CYP2A13: variants seen among roughly 807,000 people sequenced by gnomAD.
CYP2A13 encodes the protein cytochrome P450 family 2 subfamily A member 13, also known as cytochrome P450 2A13.
Under a neutral mutation model 39.4 loss-of-function variants are expected in CYP2A13, and 30 were observed. That is an observed-to-expected ratio of 0.76 (90% CI 0.57 to 1.03). The LOEUF is 1.03. Ranked by LOEUF, CYP2A13 falls within the 50% of genes least tolerant of loss-of-function variation. CYP2A13 has a pLI of 0.00. For missense variants in CYP2A13, 731 were observed against 648.4 expected, an observed-to-expected ratio of 1.13 and a Z score of -1.38; for synonymous variants, 269 against 254.7, an observed-to-expected ratio of 1.06 and a Z score of -0.54.
chr19:41,090,461 C>A lies in CYP2A13; in HGVS notation c.551C>A (p.Ser184Tyr). 2 of 1,614,166 alleles carry A rather than the reference C, an allele frequency of 1.2e-6. No individual in the cohort carries two copies. Among genetic ancestry groups the A allele is most frequent in the Non-Finnish European group, 1.7e-6 (2 of 1,180,026 alleles). ...LSRTVSNVIS[S>Y]IVFGDRFDYE... is the part of the protein sequence containing the mutation. ...CGCACAGTCTCCAATGTCATCAGCT[C>A]CATTGTCTTTGGGGACCGCTTTGAC... The change falls in exon 4 of 9, where the codon TCC (serine) becomes TAC (tyrosine). Residue 184 changes from serine to tyrosine, a missense_variant. Coordinates refer to ENST00000330436, the MANE Select transcript of CYP2A13 (RefSeq NM_000766.5).
intron 1 of CYP2A13, 79 bp from the exon 2 acceptor site, chr19:41,088,850 C>G (rs1462611305): frequency 1.3e-6 from 2 of 1,581,568 alleles, no homozygotes; most frequent in East Asian, 4.5e-5. Flanking sequence ...GCGAAGCATC[C>G]CAGTACATGA....
chr19:41,095,958 T>G lies in CYP2A13; in HGVS notation c.*17T>G. Reference sequence around the variant, plus strand: ...CCCCGCTGAGCGAGGGCTGTGCTGGTGCAGGGCTGGTGGGCGGGGCCAGGG... The same window carrying G: ...CCCCGCTGAGCGAGGGCTGTGCTGGGGCAGGGCTGGTGGGCGGGGCCAGGG... On this transcript the variant is annotated 3_prime_UTR_variant, in exon 9 of 9. Transcript: ENST00000330436. 1 of 1,321,266 alleles carries G rather than the reference T, an allele frequency of 7.6e-7. No individual in the cohort carries two copies. The highest frequency in any genetic ancestry group is 9.9e-7 in the Non-Finnish European group (1 of 1,006,162). 81.8% of individuals were successfully genotyped at this position (1,321,266 alleles called of 1,614,324 possible). A position where few individuals can be genotyped will look rare whatever the true frequency, so the allele number is the denominator to read the frequency against.
Position 41,094,940 on chromosome 19 carries a change from C to A in CYP2A13, c.1162-19C>A, listed in dbSNP as rs765551201. 11 of 1,613,556 alleles carry A rather than the reference C, an allele frequency of 6.8e-6. No individual in the cohort carries two copies. Among genetic ancestry groups the A allele is most frequent in the African/African-American group, 5.3e-5 (4 of 74,870 alleles). On this transcript the variant is annotated intron_variant, in intron 7 of 8. Transcript: ENST00000330436. ...CCCCCAACCTGCCTCATTACACACA[C>A]CTTCCTCCTCCCTCCCAGGGCACTG... is the stretch of plus-strand genomic sequence containing the variant.
rs1373219737 is a variant in CYP2A13, at chr19:41,093,788, AG to A, written c.973+19del. 1 of 1,613,230 alleles carries A rather than the reference AG, an allele frequency of 6.2e-7. No individual in the cohort carries two copies. The highest frequency in any genetic ancestry group is 2.2e-5 in the East Asian group (1 of 44,858). On this transcript the variant is annotated intron_variant, in intron 6 of 8. Transcript: ENST00000330436. Reference sequence around the variant, plus strand: ...AGGTGGAGGGTAAGACTGGAAAGGGAGGAAAGTGAAGGGCCCCAGACCCTCA... The same window carrying A: ...AGGTGGAGGGTAAGACTGGAAAGGGAGAAAGTGAAGGGCCCCAGACCCTCA...
In CYP2A13 at chr19:41,094,284, A is replaced by T. The variant is rs766455257; in HGVS notation, c.1013A>T (p.Asn338Ile). The T allele has an allele frequency of 6.2e-6, 10 of 1,613,998 alleles. No individual in the cohort carries two copies. Among genetic ancestry groups the T allele is most frequent in the Non-Finnish European group, 5.1e-6 (6 of 1,180,012 alleles). The change falls in exon 7 of 9, where the codon AAC becomes ATC. Residue 338 changes from asparagine to isoleucine, a missense_variant. By Grantham distance (149) the Asn-to-Ile change is moderately radical. Transcript: ENST00000330436. ...GAGATTGACAGAGTGATCGGCAAGA[A>T]CCGGCAGCCCAAGTTTGAGGACCGG... ...HEEIDRVIGK[N>I]RQPKFEDRAK...
chr19:41,094,426 C>T lies in CYP2A13; in HGVS notation c.1155C>T (p.Leu385=). Residue 385 remains leucine (L), a synonymous_variant, in exon 7 of 9, where the codon CTC becomes CTT. Transcript: ENST00000330436. ...ACACCAAGTTTCGGGATTTCTTCCT[C>T]CCTAAGGTGCTGTCTCCCCTCCACC... The part of the protein sequence containing the change: ...NKDTKFRDFF[L]PKGTEVFPML... 1 of 1,614,058 alleles carries T rather than the reference C, an allele frequency of 6.2e-7. No homozygotes were observed. Among genetic ancestry groups the T allele is most frequent in the Non-Finnish European group, 8.5e-7 (1 of 1,179,978 alleles).
chr19:41,089,195 G>GCCCCCTGTCTGGTCTTCT, intron 2 of CYP2A13, 104 bp downstream of exon 2: 2 of 1,552,762 alleles, frequency 1.3e-6, no homozygotes, highest in Non-Finnish European at 1.7e-6. Context: ...CTATGGCAGA[G>GCCCCCTGTCTGGTCTTCT]CCCCCTGTCT....
Position 41,094,977 on chromosome 19 carries a change from A to C in CYP2A13, c.1180A>C (p.Met394Leu), listed in dbSNP as rs1183130349. The C allele has an allele frequency of 6.2e-7, 1 of 1,613,906 alleles. No homozygotes were observed. The highest frequency in any genetic ancestry group is 8.5e-7 in the Non-Finnish European group (1 of 1,179,990). The change falls in exon 8 of 9, where the codon ATG becomes CTG. Residue 394 changes from methionine (M) to leucine (L), a missense_variant. Met to Leu is a conservative substitution (Grantham distance 15). Transcript: ENST00000330436. Reference sequence around the variant, plus strand: ...CTCCCAGGGCACTGAAGTGTTCCCTATGCTGGGCTCCGTGCTGAGAGACCC... The same window carrying C: ...CTCCCAGGGCACTGAAGTGTTCCCTCTGCTGGGCTCCGTGCTGAGAGACCC... ...FLPKGTEVFP[M>L]LGSVLRDPRF...
Position 41,090,213 on chromosome 19 carries a change from G to A in CYP2A13, c.493+17G>A. The A allele has an allele frequency of 2.6e-6, 4 of 1,552,864 alleles. No individual in the cohort carries two copies. Among genetic ancestry groups the A allele is most frequent in the Non-Finnish European group, 2.6e-6 (3 of 1,148,618 alleles). ...GCACGCACGGTGAGTAGGGGACCCC[G>A]AGTGCGAGGGCGGGAACCCGCGCTT... On this transcript the variant is annotated intron_variant, in intron 3 of 8. Coordinates refer to ENST00000330436, the MANE Select transcript of CYP2A13 (RefSeq NM_000766.5).
intron 1 of CYP2A13, 70 bp downstream of exon 1, chr19:41,088,721 G>A: frequency 6.3e-7 from 1 of 1,575,116 alleles, no homozygotes; most frequent in Non-Finnish European, 8.6e-7. Context: ...TTGTGGCAGG[G>A]GATTGACCAG....
chr19:41,088,837 G>C, intron 1 of CYP2A13, 92 bp from the exon 2 acceptor site: 1 of 1,563,506 alleles, frequency 6.4e-7, no homozygotes, highest in Non-Finnish European at 8.7e-7. Context: ...TGAGAACCTG[G>C]GGGCGAAGCA....
Position 41,096,007 on chromosome 19 carries a change from C to G in CYP2A13, c.*66C>G. The G allele has an allele frequency of 1.1e-5, 3 of 283,694 alleles. No homozygotes were observed. The highest frequency in any genetic ancestry group is 3.2e-5 in the South Asian group (1 of 31,460). The allele number at this position is 283,694 out of a possible 1,614,324, so 17.6% of individuals were successfully genotyped here. ...GGAAACGGCCGGGGCAGGGGCGGGG[C>G]TTGTGGGAGGGGCGGGGCTAAGAAT... On this transcript the variant is annotated 3_prime_UTR_variant, in exon 9 of 9. Transcript: ENST00000330436.
Position 41,090,072 on chromosome 19 carries a change from C to G in CYP2A13, c.369C>G (p.Arg123=). 4 of 1,613,032 alleles carry G rather than the reference C, an allele frequency of 2.5e-6. No homozygotes were observed. The highest frequency in any genetic ancestry group is 3.4e-6 in the Non-Finnish European group (4 of 1,179,682). ...GYGVAFSNGE[R]AKQLRRFSIA... ...GCGTGGCGTTCAGCAACGGGGAGCG[C>G]GCCAAGCAGCTCCGGCGCTTCTCCA... The change falls in exon 3 of 9, where the codon CGC becomes CGG. Residue 123 remains arginine, a synonymous_variant. Transcript: ENST00000330436.
chr19:41,091,341 C>T lies in CYP2A13; in HGVS notation c.655-391C>T, dbSNP rs986291615. Among the ~76,000 whole-genome samples the T allele has an allele frequency of 1.2e-4, 18 of 152,296 alleles. No homozygotes were observed. In the South Asian group the frequency reaches 2.3e-3, roughly 19 times the overall value. On this transcript the variant is annotated intron_variant, in intron 4 of 8. Coordinates refer to ENST00000330436, the MANE Select transcript of CYP2A13 (RefSeq NM_000766.5). The stretch of plus-strand genomic sequence containing the variant: ...CTGGACAGCTGTCTCCAACCAAGTC[C>T]ACTTGAATGCCTAAATACCTAGACA...
At chr19:41,092,005 A>G in intron 5 of CYP2A13, 97 bp downstream of exon 5, 1 of 1,527,674 alleles carries the variant, frequency 6.5e-7, no homozygotes, top group Non-Finnish European at 8.8e-7. Context: ...CATTCAAATT[A>G]GCCCTCGTCA....
rs559504306 is a variant in CYP2A13, at chr19:41,095,765, C to G, written c.1309C>G (p.Arg437Gly). Reference protein sequence around the residue: ...DAFVPFSIGKRYCFGEGLARM... With the variant: ...DAFVPFSIGKGYCFGEGLARM... ...CTCCTGCCTCTCCTCCTCAGGAAAG[C>G]GGTACTGTTTTGGAGAAGGCCTGGC... is the stretch of plus-strand genomic sequence containing the variant. Residue 437 changes from arginine to glycine, a missense_variant, in exon 9 of 9, where the codon CGG becomes GGG. Physicochemically the swap from Arg to Gly is moderately radical, Grantham distance 125. Coordinates refer to ENST00000330436, the MANE Select transcript of CYP2A13 (RefSeq NM_000766.5). 1.2e-6 allele frequency: 2 copies of G among 1,614,044 alleles called. No individual in the cohort carries two copies. Among genetic ancestry groups the G allele is most frequent in the East Asian group, 2.2e-5 (1 of 44,882 alleles).
At chr19:41,095,707 A>G (rs1403207696) in intron 8 of CYP2A13, 53 bp from the exon 9 acceptor site, 1 of 1,605,244 alleles carries the variant, frequency 6.2e-7, no homozygotes, top group African/African-American at 1.3e-5. Context: ...GTAGGGGTTG[A>G]GGCTGCACTG....
At chr19:41,093,230 T>G (rs1200689198) in intron 5 of CYP2A13, among the ~76,000 whole-genome samples, 1 of 152,054 alleles carries the variant, frequency 6.6e-6, no homozygotes, top group Non-Finnish European at 1.5e-5. Context: ...GAATTAATTT[T>G]TTAACAGTTA....
At chr19:41,095,665 C>T in intron 8 of CYP2A13, 95 bp from the exon 9 acceptor site, 2 of 1,490,314 alleles carry the variant, frequency 1.3e-6, no homozygotes, top group South Asian at 2.5e-5. Flanking sequence ...AATATTCCAC[C>T]CCTCCTCCCT....
Sources: gnomAD v4.1 joint callset for allele counts (sites outside exome capture counted in the v4.1 genomes callset) on GRCh38, gnomAD v4.1.1 for gene constraint, MANE v1.5 for transcripts, NCBI Gene and HGNC (gene_info 2026-07-23, HGNC 2026-07-21) for gene names.